TENM2: variants seen among roughly 807,000 people sequenced by gnomAD.
TENM2 encodes teneurin-2.
A neutral mutation model predicts 245.2 loss-of-function variants in TENM2; 52 were observed. That is an observed-to-expected ratio of 0.21 (90% CI 0.17 to 0.27). The LOEUF is 0.27. Among genes scored for constraint, TENM2 ranks in the 10% least tolerant of loss-of-function variants. The probability of loss-of-function intolerance (pLI) is 1.00; values close to 1 mark genes in which losing one functional copy is unlikely to be tolerated. For synonymous variants in TENM2, 1,363 were observed against 1,438.9 expected (o/e 0.95, Z 1.19); for missense variants, 3,046 against 3,666.8 (o/e 0.83, Z 4.37).
chr5:167,005,090 C>A, the TENM2 span, among the ~76,000 whole-genome samples: 6 of 152,096 alleles, frequency 3.9e-5, no homozygotes, highest in Non-Finnish European at 7.4e-5. Flanking sequence ...AAGGACTTTT[C>A]CCCCCCATTT....
intron 5 of TENM2, among the ~76,000 whole-genome samples, chr5:168,029,695 G>A (rs1786942354): frequency 6.6e-6 from 1 of 152,174 alleles, no homozygotes; most frequent in South Asian, 2.1e-4. Context: ...TTGAGCCACT[G>A]TCTAAAATAT....
the TENM2 span, chr5:167,116,179 G>A: frequency 6.6e-6 from 1 of 152,186 alleles, no homozygotes; most frequent in Non-Finnish European, 1.5e-5. Flanking sequence ...TAAACAGAAG[G>A]AAGTAGGCGT....
intron 2 of TENM2, among the ~76,000 whole-genome samples, chr5:167,837,938 A>C (rs1769154804): frequency 6.6e-6 from 1 of 152,142 alleles, no homozygotes; most frequent in African/African-American, 2.4e-5. Flanking sequence ...TCCACTTCCC[A>C]GGGCCCCTTC....
chr5:167,390,950 AAT>A (rs1761715655), intron 2 of TENM2, among the ~76,000 whole-genome samples: 1 of 152,076 alleles, frequency 6.6e-6, no homozygotes, highest in Non-Finnish European at 1.5e-5. Flanking sequence ...TTCTCTTCTA[AAT>A]ATATTTTCAG....
chr5:167,424,951 A>T (rs188433645), intron 2 of TENM2, among the ~76,000 whole-genome samples: 6 of 152,186 alleles, frequency 3.9e-5, no homozygotes, highest in African/African-American at 1.2e-4. Context: ...GAAATGATGG[A>T]TTAAGCTGTT....
At chr5:168,256,804 G>A (rs1450447177) in intron 27 of TENM2, among the ~76,000 whole-genome samples, 1 of 152,208 alleles carries the variant, frequency 6.6e-6, no homozygotes, top group Non-Finnish European at 1.5e-5. Flanking sequence ...CCCAAGGAAG[G>A]TGGATAGATC....
intron 2 of TENM2, among the ~76,000 whole-genome samples, chr5:167,494,188 A>G (rs1427079918): frequency 6.6e-6 from 1 of 152,174 alleles, no homozygotes; most frequent in Non-Finnish European, 1.5e-5. Flanking sequence ...GGAACTTCAG[A>G]TGGAGAACAC....
intron 2 of TENM2, among the ~76,000 whole-genome samples, chr5:167,676,900 C>T (rs1756367566): frequency 6.6e-6 from 1 of 152,058 alleles, no homozygotes; most frequent in Admixed American, 6.6e-5. Flanking sequence ...AAGAAAAAGT[C>T]AAGCTAATTG....
At chr5:167,013,977 C>G in the TENM2 span, among the ~76,000 whole-genome samples, 865 of 152,122 alleles carry the variant, frequency 5.7e-3, 9 homozygotes, top group African/African-American at 0.015. Flanking sequence ...TGTGAAACAC[C>G]AAGGCCATCA....
At chr5:167,080,324 A>T in the TENM2 span, among the ~76,000 whole-genome samples, 4 of 151,546 alleles carry the variant, frequency 2.6e-5, no homozygotes, top group African/African-American at 9.7e-5. Context: ...GAGAATTACT[A>T]ATCACTCTTT....
chr5:167,033,978 T>A, the TENM2 span, among the ~76,000 whole-genome samples: 10 of 152,198 alleles, frequency 6.6e-5, no homozygotes, highest in African/African-American at 2.4e-4. Flanking sequence ...AGAGATTTTT[T>A]ATTTTTCCCA....
At chr5:168,200,513 G>A (rs1003454026) in intron 17 of TENM2, among the ~76,000 whole-genome samples, 2 of 152,216 alleles carry the variant, frequency 1.3e-5, no homozygotes, top group African/African-American at 4.8e-5. Context: ...GCAGAGAGAA[G>A]AGCAGGGTGT....
At chr5:168,190,475 A>G in exon 14 of TENM2, 1 of 1,613,968 alleles carries the variant, frequency 6.2e-7, no homozygotes, top group Non-Finnish European at 8.5e-7. Context: ...AAGTCCTTCT[A>G]TGACCGTATC....
intron 1 of TENM2, among the ~76,000 whole-genome samples, chr5:167,353,003 T>G (rs144490867): frequency 4.1e-4 from 63 of 152,212 alleles, no homozygotes; most frequent in Non-Finnish European, 7.4e-4. Flanking sequence ...ATAAAGAGAT[T>G]TGTATCTCAA....
intron 12 of TENM2, among the ~76,000 whole-genome samples, chr5:168,158,946 C>CAT (rs1013383780): frequency 6.5e-5 from 9 of 139,250 alleles, no homozygotes; most frequent in South Asian, 2.3e-4. Flanking sequence ...TACGTATATA[C>CAT]ATATATATAT....
intron 2 of TENM2, among the ~76,000 whole-genome samples, chr5:167,513,570 G>T (rs1400416087): frequency 2.0e-5 from 3 of 152,186 alleles, no homozygotes; most frequent in South Asian, 2.1e-4. Flanking sequence ...TGCCGTCTTT[G>T]GTATACATGC....
intron 3 of TENM2, among the ~76,000 whole-genome samples, chr5:167,914,465 C>A (rs1407499668): frequency 1.3e-5 from 2 of 152,180 alleles, no homozygotes; most frequent in African/African-American, 4.8e-5. Flanking sequence ...CTTATAAGAA[C>A]GCTTATGATT....
chr5:168,126,842 C>T, exon 12 of TENM2: 1 of 1,611,566 alleles, frequency 6.2e-7, no homozygotes, highest in Non-Finnish European at 8.5e-7. Context: ...CAGCGTGTGA[C>T]CAGCGCGTGT....
chr5:168,233,428 T>TCAGA (rs1765127352), intron 25 of TENM2, among the ~76,000 whole-genome samples: 1 of 152,222 alleles, frequency 6.6e-6, no homozygotes, highest in South Asian at 2.1e-4. Context: ...TGGTGGGTAC[T>TCAGA]CAGACAACAG....
Sources: gnomAD v4.1 joint callset for allele counts (sites outside exome capture counted in the v4.1 genomes callset) on GRCh38, gnomAD v4.1.1 for gene constraint, MANE v1.5 for transcripts, NCBI Gene and HGNC (gene_info 2026-07-23, HGNC 2026-07-21) for gene names.